The following NEGR1 variants were observed in gnomAD, a reference collection of about 807,000 sequenced individuals.
NEGR1 encodes IgLON family member 4.
In NEGR1, 10 loss-of-function variants were observed where a neutral mutation model predicts 40.9. The observed-to-expected ratio is 0.24, with a 90% CI of 0.15 to 0.42. NEGR1 has a LOEUF of 0.42. Ranked by LOEUF, NEGR1 falls within the 10% of genes least tolerant of loss-of-function variation. NEGR1 has a pLI of 1.00. For synonymous variants in NEGR1, 185 were observed against 166.8 expected (o/e 1.11, Z -0.84); for missense variants, 352 against 438.9 (o/e 0.80, Z 1.77).
At chr1:71,813,773 A>T (rs924605536) in intron 2 of NEGR1, among the ~76,000 whole-genome samples, 18 of 152,080 alleles carry the variant, frequency 1.2e-4, no homozygotes, top group Non-Finnish European at 2.4e-4. Flanking sequence ...TGATTTTTGC[A>T]CATTAATTTT....
chr1:72,268,972 T>C (rs897771241), intron 1 of NEGR1, among the ~76,000 whole-genome samples: 1 of 151,476 alleles, frequency 6.6e-6, no homozygotes, highest in African/African-American at 2.4e-5. Flanking sequence ...GCCACAGCCA[T>C]CATAAAATTT....
intron 4 of NEGR1, among the ~76,000 whole-genome samples, chr1:71,683,875 C>A (rs1394140824): frequency 6.6e-6 from 1 of 151,216 alleles, no homozygotes; most frequent in African/African-American, 2.4e-5. Context: ...ATGACTCTTA[C>A]AATTTCTGCT....
intron 2 of NEGR1, among the ~76,000 whole-genome samples, chr1:71,820,837 T>C (rs759391695): frequency 7.9e-5 from 12 of 151,986 alleles, no homozygotes; most frequent in Non-Finnish European, 1.0e-4. Flanking sequence ...GCCACCCTTA[T>C]AGATTTCACG....
At chr1:71,488,880 G>A (rs1646905579) in intron 6 of NEGR1, among the ~76,000 whole-genome samples, 1 of 151,704 alleles carries the variant, frequency 6.6e-6, no homozygotes, top group Non-Finnish European at 1.5e-5. Flanking sequence ...TGGTATAATT[G>A]AAAATACTAC....
chr1:71,715,703 G>T (rs946395046), intron 3 of NEGR1, among the ~76,000 whole-genome samples: 1 of 152,166 alleles, frequency 6.6e-6, no homozygotes, highest in East Asian at 1.9e-4. Context: ...CATAGCAAGA[G>T]TTGCCTTTAT....
chr1:71,718,617 G>A (rs1487209868), intron 3 of NEGR1, among the ~76,000 whole-genome samples: 2 of 151,876 alleles, frequency 1.3e-5, no homozygotes, highest in Non-Finnish European at 2.9e-5. Context: ...AACATCAGTT[G>A]TTGACTTTTT....
At chr1:71,655,066 G>A (rs1241338806) in intron 4 of NEGR1, among the ~76,000 whole-genome samples, 1 of 151,940 alleles carries the variant, frequency 6.6e-6, no homozygotes, top group Non-Finnish European at 1.5e-5. Flanking sequence ...CTCCTCCTGT[G>A]GAATAAAAAC....
chr1:71,919,276 A>G (rs1324658384), intron 2 of NEGR1, among the ~76,000 whole-genome samples: 1 of 152,164 alleles, frequency 6.6e-6, no homozygotes, highest in East Asian at 1.9e-4. Context: ...CTGATCCAAA[A>G]AGATGCAGAA....
intron 3 of NEGR1, among the ~76,000 whole-genome samples, chr1:71,706,616 A>G (rs1653910438): frequency 6.6e-6 from 1 of 151,398 alleles, no homozygotes; most frequent in Non-Finnish European, 1.5e-5. Flanking sequence ...GAGGAGAATA[A>G]AGAGTGGAGA....
At chr1:72,022,684 T>C (rs963666623) in intron 1 of NEGR1, among the ~76,000 whole-genome samples, 1 of 152,076 alleles carries the variant, frequency 6.6e-6, no homozygotes, top group Admixed American at 6.6e-5. Context: ...CTACCAACGC[T>C]TATTTTAAAA....
intron 6 of NEGR1, among the ~76,000 whole-genome samples, chr1:71,460,096 T>C (rs1437595848): frequency 1.3e-5 from 2 of 152,212 alleles, no homozygotes; most frequent in Admixed American, 6.5e-5. Context: ...AAGCACAGAA[T>C]TGGTATTATA....
chr1:72,184,048 G>A (rs1298131276), intron 1 of NEGR1, among the ~76,000 whole-genome samples: 1 of 152,054 alleles, frequency 6.6e-6, no homozygotes, highest in Admixed American at 6.6e-5. Context: ...TATATAAGAT[G>A]TTTCCAAGGG....
chr1:72,118,846 G>A (rs1426412087), intron 1 of NEGR1, among the ~76,000 whole-genome samples: 1 of 150,022 alleles, frequency 6.7e-6, no homozygotes, highest in Admixed American at 6.7e-5. Context: ...TTCTATTTCG[G>A]GCACTATTTT....
intron 1 of NEGR1, among the ~76,000 whole-genome samples, chr1:72,241,664 A>G (rs1302095265): frequency 2.0e-5 from 3 of 151,632 alleles, no homozygotes; most frequent in Non-Finnish European, 4.4e-5. Flanking sequence ...AGCAAACAAT[A>G]GTTGCATGAT....
intron 2 of NEGR1, among the ~76,000 whole-genome samples, chr1:71,917,250 T>C (rs551954271): frequency 6.6e-6 from 1 of 152,214 alleles, no homozygotes; most frequent in African/African-American, 2.4e-5. Context: ...TATTTACTTA[T>C]AATAACCCTT....
At chr1:72,166,289 T>C (rs1251197868) in intron 1 of NEGR1, among the ~76,000 whole-genome samples, 20 of 151,992 alleles carry the variant, frequency 1.3e-4, no homozygotes, top group Admixed American at 1.3e-3. Context: ...AGATAAGTGT[T>C]GGTGAGGATG....
At chr1:71,716,090 A>G (rs1654264963) in intron 3 of NEGR1, among the ~76,000 whole-genome samples, 1 of 152,140 alleles carries the variant, frequency 6.6e-6, no homozygotes, top group African/African-American at 2.4e-5. Flanking sequence ...ATTTACAATC[A>G]TGGTGGAAGG....
intron 3 of NEGR1, among the ~76,000 whole-genome samples, chr1:71,751,142 G>T (rs1219803032): frequency 1.3e-5 from 2 of 151,640 alleles, no homozygotes; most frequent in Admixed American, 6.6e-5. Context: ...ATTACACAGA[G>T]TAATATCCAA....
At chr1:72,094,604 C>T (rs1030028164) in intron 1 of NEGR1, among the ~76,000 whole-genome samples, 2 of 152,134 alleles carry the variant, frequency 1.3e-5, no homozygotes, top group East Asian at 1.9e-4. Context: ...TAAAGATCAT[C>T]CCAATCAAGT....
Sources: gnomAD v4.1 joint callset for allele counts (sites outside exome capture counted in the v4.1 genomes callset) on GRCh38, gnomAD v4.1.1 for gene constraint, MANE v1.5 for transcripts, NCBI Gene and HGNC (gene_info 2026-07-23, HGNC 2026-07-21) for gene names.